The following IPPK variants were observed in gnomAD, a reference collection of about 807,000 sequenced individuals.
IPPK encodes inositol-pentakisphosphate 2-kinase.
In IPPK, 22 loss-of-function variants were observed where a neutral mutation model predicts 64.6. That is an observed-to-expected ratio of 0.34 (90% CI 0.24 to 0.49). IPPK has a LOEUF of 0.49. Among genes scored for constraint, IPPK ranks in the 20% least tolerant of loss-of-function variants. IPPK has a pLI of 0.99. For synonymous variants in IPPK, 262 were observed against 247.2 expected, an observed-to-expected ratio of 1.06 and a Z score of -0.56; for missense variants, 532 against 630.7, an observed-to-expected ratio of 0.84 and a Z score of 1.68.
Position 92,637,935 on chromosome 9 carries a change from T to C in IPPK, c.916+66A>G, listed in dbSNP as rs187237958. 695 of 1,431,636 alleles carry C rather than the reference T, an allele frequency of 4.9e-4. 9 individuals carry two copies. The East Asian group carries it at 0.011, about 23-fold the overall frequency. 88.7% of individuals were successfully genotyped at this position (1,431,636 alleles called of 1,614,324 possible). ...GCTGTGCTGACCGCCTGGCCACCCA[T>C]GGGGACTGCAGAGTCCCAAGGCCCC... On this transcript the variant is annotated intron_variant, in intron 9 of 12. Coordinates refer to ENST00000287996, the MANE Select transcript of IPPK (RefSeq NM_022755.6).
chr9:92,621,552 T>C lies in IPPK; in HGVS notation c.1171-1987A>G, dbSNP rs546960601. Among the ~76,000 whole-genome samples the C allele has an allele frequency of 6.1e-5, 9 of 148,644 alleles. No homozygotes were observed. The East Asian group carries it at 1.8e-3, about 29-fold the overall frequency. On this transcript the variant is annotated intron_variant, in intron 11 of 12. Coordinates refer to ENST00000287996, the MANE Select transcript of IPPK (RefSeq NM_022755.6). ...TTTTTGAGACAGGGTCTCGTTCTGT[T>C]GCCCAGGCTGGAGCACAGTGGTACC...
At chr9:92,654,093 C>T (rs992633799) in intron 3 of IPPK, among the ~76,000 whole-genome samples, 1 of 152,224 alleles carries the variant, frequency 6.6e-6, no homozygotes, top group Non-Finnish European at 1.5e-5. Context: ...GGCAACGACC[C>T]TCCACACCGC....
chr9:92,629,678 AG>A (rs1851798469), intron 11 of IPPK, among the ~76,000 whole-genome samples: 1 of 150,734 alleles, frequency 6.6e-6, no homozygotes, highest in Non-Finnish European at 1.5e-5. Context: ...ACTGCACTTC[AG>A]CCTGGGTGAC....
chr9:92,644,208 T>C (rs1852105764), intron 6 of IPPK, among the ~76,000 whole-genome samples: 1 of 152,192 alleles, frequency 6.6e-6, no homozygotes, highest in Non-Finnish European at 1.5e-5. Flanking sequence ...TCAAAAAGTT[T>C]TGAACTCTGG....
chr9:92,636,443 C>G (rs553978311), intron 9 of IPPK, among the ~76,000 whole-genome samples: 4 of 152,016 alleles, frequency 2.6e-5, no homozygotes, highest in Non-Finnish European at 5.9e-5. Context: ...TCAAGACCAG[C>G]CCGGACAACA....
intron 10 of IPPK, among the ~76,000 whole-genome samples, chr9:92,634,788 C>T (rs1185283848): frequency 1.3e-5 from 2 of 152,166 alleles, no homozygotes; most frequent in Non-Finnish European, 1.5e-5. Context: ...CTGGACACCG[C>T]GGGTGTGGAC....
chr9:92,636,499 G>C (rs1232095377), intron 9 of IPPK, among the ~76,000 whole-genome samples: 1 of 152,056 alleles, frequency 6.6e-6, no homozygotes, highest in Non-Finnish European at 1.5e-5. Context: ...AAATTAACTA[G>C]GCGTGGTAGT....
chr9:92,615,736 C>T lies in IPPK; in HGVS notation c.*96G>A. Reference sequence around the variant, plus strand: ...CCTCAAAAGGGGTTAAAAGCAAAAACATTCACAACCAAAGGTCACCCAACA... The same window carrying T: ...CCTCAAAAGGGGTTAAAAGCAAAAATATTCACAACCAAAGGTCACCCAACA... On this transcript the variant is annotated 3_prime_UTR_variant, in exon 13 of 13. Coordinates refer to ENST00000287996, the MANE Select transcript of IPPK (RefSeq NM_022755.6). 9.6e-7 allele frequency: 1 copy of T among 1,037,048 alleles called. No individual in the cohort carries two copies. The highest frequency in any genetic ancestry group is 1.4e-6 in the Non-Finnish European group (1 of 691,808). 64.2% of individuals were successfully genotyped at this position (1,037,048 alleles called of 1,614,324 possible). A position where few individuals can be genotyped will look rare whatever the true frequency, so the allele number is the denominator to read the frequency against.
intron 1 of IPPK, 78 bp from the exon 2 acceptor site, chr9:92,658,759 A>G (rs545705755): frequency 6.2e-6 from 8 of 1,294,430 alleles, no homozygotes; most frequent in East Asian, 4.6e-5. Flanking sequence ...TGGGGGTCCC[A>G]TCCTCAGTGG....
At chr9:92,657,303 C>T (rs540273783) in intron 2 of IPPK, among the ~76,000 whole-genome samples, 10 of 152,066 alleles carry the variant, frequency 6.6e-5, no homozygotes, top group African/African-American at 2.2e-4. Context: ...GAGCCGAGAC[C>T]GTGCCACTGC....
chr9:92,626,302 C>G (rs866652462), intron 11 of IPPK, among the ~76,000 whole-genome samples: 2 of 152,088 alleles, frequency 1.3e-5, no homozygotes, highest in African/African-American at 2.4e-5. Context: ...GAGGCTGAGG[C>G]AGGAGAATGG....
intron 11 of IPPK, 112 bp from the exon 12 acceptor site, chr9:92,619,677 A>G: frequency 3.0e-6 from 3 of 1,006,632 alleles, no homozygotes; most frequent in South Asian, 2.8e-5. Flanking sequence ...TCAGAACCTG[A>G]GGGTGGGATT....
intron 11 of IPPK, chr9:92,620,298 C>T (rs575640222): frequency 6.5e-6 from 1 of 152,690 alleles, no homozygotes; most frequent in Non-Finnish European, 1.5e-5. Context: ...CAGCTCAACA[C>T]ACACCACACT....
At chr9:92,621,710 T>C (rs1382097218) in intron 11 of IPPK, among the ~76,000 whole-genome samples, 2 of 151,944 alleles carry the variant, frequency 1.3e-5, no homozygotes, top group Non-Finnish European at 2.9e-5. Flanking sequence ...AGAGACGAGG[T>C]CTCGCTATGT....
chr9:92,634,524 A>G, intron 10 of IPPK, 36 bp from the exon 11 acceptor site: 1 of 1,448,382 alleles, frequency 6.9e-7, no homozygotes, highest in Non-Finnish European at 9.7e-7. Flanking sequence ...AGGATGACAA[A>G]GCCGCACGGA....
intron 10 of IPPK, 74 bp from the exon 11 acceptor site, chr9:92,634,562 A>G (rs532160956): frequency 9.8e-7 from 1 of 1,017,512 alleles, no homozygotes; most frequent in South Asian, 1.3e-5. Flanking sequence ...CTAACAGTCT[A>G]CAAAGCCCAG....
chr9:92,626,041 G>GA (rs201084265), intron 11 of IPPK, among the ~76,000 whole-genome samples: 262 of 151,678 alleles, frequency 1.7e-3, no homozygotes, highest in Admixed American at 3.6e-3. Flanking sequence ...CAAGGAACTA[G>GA]AAAAAAATAC....
At chr9:92,640,300 C>T (rs1233456482) in intron 8 of IPPK, among the ~76,000 whole-genome samples, 1 of 150,040 alleles carries the variant, frequency 6.7e-6, no homozygotes, top group African/African-American at 2.5e-5. Context: ...TGCCCAGCCC[C>T]ACCCCCACCT....
intron 11 of IPPK, among the ~76,000 whole-genome samples, chr9:92,630,108 C>A (rs779637880): frequency 6.6e-6 from 1 of 152,168 alleles, no homozygotes; most frequent in Non-Finnish European, 1.5e-5. Flanking sequence ...TTGATAACAG[C>A]ATTGAGCATA....
Sources: gnomAD v4.1 joint callset for allele counts (sites outside exome capture counted in the v4.1 genomes callset) on GRCh38, gnomAD v4.1.1 for gene constraint, MANE v1.5 for transcripts, NCBI Gene and HGNC (gene_info 2026-07-23, HGNC 2026-07-21) for gene names.